Variants in AXDND1 observed in about 807,000 individuals in gnomAD.
The protein encoded by AXDND1 is axonemal dynein light chain domain containing 1, also known as axonemal dynein light chain domain-containing protein 1.
A neutral mutation model predicts 137.5 loss-of-function variants in AXDND1; 110 were observed. That is an observed-to-expected ratio of 0.80 (90% confidence interval 0.69 to 0.94). The LOEUF is 0.94. Among genes scored for constraint, AXDND1 ranks in the 40% least tolerant of loss-of-function variants. The pLI, the probability that AXDND1 is intolerant of heterozygous loss-of-function variation, is 0.00. For missense variants in AXDND1, 1,191 were observed against 1,169.8 expected, an observed-to-expected ratio of 1.02 and a Z score of -0.26; for synonymous variants, 414 against 399.7, an observed-to-expected ratio of 1.04 and a Z score of -0.43.
At chr1:179,545,967 T>C (rs531995061) in intron 25 of AXDND1, 1 of 152,326 alleles carries the variant, frequency 6.6e-6, no homozygotes, top group South Asian at 2.1e-4. Flanking sequence ...AGGGAAGTTT[T>C]GAAGAACTAG....
At chr1:179,516,526 G>T (rs1162775334) in intron 21 of AXDND1, among the ~76,000 whole-genome samples, 1 of 152,100 alleles carries the variant, frequency 6.6e-6, no homozygotes, top group Non-Finnish European at 1.5e-5. Flanking sequence ...GTGTTAAAGA[G>T]CCTTGTTTTG....
chr1:179,389,838 T>G (rs1453577136), intron 9 of AXDND1, among the ~76,000 whole-genome samples: 1 of 152,172 alleles, frequency 6.6e-6, no homozygotes, highest in Non-Finnish European at 1.5e-5. Flanking sequence ...ATGATGTTTT[T>G]TAAATTGATA....
Position 179,430,587 on chromosome 1 carries a change from A to G in AXDND1, c.1468A>G (p.Lys490Glu). 1 of 1,611,764 alleles carries G rather than the reference A, an allele frequency of 6.2e-7. No individual in the cohort carries two copies. The highest frequency in any genetic ancestry group is 8.5e-7 in the Non-Finnish European group (1 of 1,179,382). ...TLKIVKDGLI[K>E]WQEFFNEKDI... ...GAAAATTGTTAAGGATGGGCTTATC[A>G]AATGGCAGGAGTTCTTCAAGTGAGT... Residue 490 changes from lysine to glutamate, a missense_variant, in exon 14 of 26, where the codon AAA (lysine) becomes GAA (glutamate). Coordinates refer to ENST00000367618, the MANE Select transcript of AXDND1 (RefSeq NM_144696.6).
chr1:179,466,537 G>T (rs1047412885), intron 16 of AXDND1, among the ~76,000 whole-genome samples: 4 of 151,872 alleles, frequency 2.6e-5, no homozygotes, highest in African/African-American at 9.7e-5. Flanking sequence ...ATATTTTTCA[G>T]TCCTAGAATT....
At chr1:179,382,877 C>A in intron 7 of AXDND1, 121 bp downstream of exon 7, 1 of 636,962 alleles carries the variant, frequency 1.6e-6, no homozygotes, top group Non-Finnish European at 2.6e-6. Flanking sequence ...GCAATAATTG[C>A]CTACAAGTTC....
intron 11 of AXDND1, among the ~76,000 whole-genome samples, chr1:179,399,622 C>A (rs974288832): frequency 1.3e-5 from 2 of 152,202 alleles, no homozygotes; most frequent in African/African-American, 4.8e-5. Context: ...AAGGAACAGT[C>A]AGCAGAGTAA....
chr1:179,400,921 A>AAAAAAAG (rs1558124737), intron 11 of AXDND1, among the ~76,000 whole-genome samples: 6 of 132,702 alleles, frequency 4.5e-5, no homozygotes, highest in African/African-American at 1.6e-4. Context: ...AAAAAAAAAA[A>AAAAAAAG]AAAAAAGAAA....
intron 12 of AXDND1, among the ~76,000 whole-genome samples, chr1:179,423,043 T>C (rs540496756): frequency 6.6e-6 from 1 of 152,144 alleles, no homozygotes; most frequent in Non-Finnish European, 1.5e-5. Flanking sequence ...GGATTACAGG[T>C]GTGAGCCACT....
intron 18 of AXDND1, among the ~76,000 whole-genome samples, chr1:179,490,107 G>A (rs1255691135): frequency 6.6e-6 from 1 of 152,166 alleles, no homozygotes; most frequent in Non-Finnish European, 1.5e-5. Context: ...CTTACTCCCT[G>A]ATAAGTACTG....
At chr1:179,369,859 C>G in intron 3 of AXDND1, 116 bp from the exon 4 acceptor site, 1 of 629,418 alleles carries the variant, frequency 1.6e-6, no homozygotes, top group Non-Finnish European at 2.7e-6. Flanking sequence ...CTCTTTTTTC[C>G]TTAGAGTACC....
intron 15 of AXDND1, among the ~76,000 whole-genome samples, chr1:179,443,827 G>A (rs530686901): frequency 2.8e-4 from 43 of 152,176 alleles, no homozygotes; most frequent in African/African-American, 1.0e-3. Flanking sequence ...GTCAGAGCTT[G>A]GAAAATAGAT....
In AXDND1 at chr1:179,534,932, G is replaced by T; in HGVS notation, c.3001G>T (p.Ala1001Ser). ...ACAAGAAGAAGAAGAAGTCAGGTCA[G>T]CAGAAAATTCCTCAAAATCTCCAAA... is the stretch of plus-strand genomic sequence containing the variant. ...EQQEEEEVRS[A>S]ENSSKSPKKG... Residue 1001 changes from alanine (A) to serine (S), a missense_variant, in exon 25 of 26, where the codon GCA (alanine) becomes TCA (serine). Coordinates refer to ENST00000367618, the MANE Select transcript of AXDND1 (RefSeq NM_144696.6). The T allele has an allele frequency of 6.2e-7, 1 of 1,606,722 alleles. No homozygotes were observed. The highest frequency in any genetic ancestry group is 1.7e-5 in the Admixed American group (1 of 58,180).
At chr1:179,379,637 T>C (rs1056493187) in intron 6 of AXDND1, among the ~76,000 whole-genome samples, 155 bp downstream of exon 6, 1 of 151,352 alleles carries the variant, frequency 6.6e-6, no homozygotes, top group African/African-American at 2.4e-5. Flanking sequence ...CTACAGAAAA[T>C]ACAAAAATAT....
chr1:179,392,393 G>C (rs11803247), intron 9 of AXDND1, among the ~76,000 whole-genome samples: 44,333 of 152,080 alleles, frequency 0.29, 6,661 homozygotes, highest in Non-Finnish European at 0.31. Context: ...CATTTAGGTT[G>C]GTTCCATATT....
At chr1:179,418,837 G>A (rs1291311286) in intron 12 of AXDND1, among the ~76,000 whole-genome samples, 4 of 151,314 alleles carry the variant, frequency 2.6e-5, no homozygotes, top group East Asian at 4.0e-4. Context: ...GCTGCCGGGC[G>A]GAGGGACTCC....
intron 15 of AXDND1, 87 bp downstream of exon 15, chr1:179,432,429 CT>C (rs10706073): frequency 0.7 from 746,800 of 1,066,098 alleles, 220,568 homozygotes; most frequent in Admixed American, 0.78. Flanking sequence ...ACATCCCATC[CT>C]TTTTTTTTTT....
intron 21 of AXDND1, among the ~76,000 whole-genome samples, chr1:179,518,382 T>C (rs1417691510): frequency 7.4e-6 from 1 of 134,854 alleles, no homozygotes; most frequent in African/African-American, 2.6e-5. Context: ...CATTTTCCTT[T>C]TTCTTTTTTT....
intron 9 of AXDND1, among the ~76,000 whole-genome samples, chr1:179,393,083 T>A (rs1650451539): frequency 6.6e-6 from 1 of 152,210 alleles, no homozygotes; most frequent in South Asian, 2.1e-4. Flanking sequence ...GATGTTATCT[T>A]CTAGAATTTT....
At chr1:179,423,589 T>G (rs74553406) in intron 12 of AXDND1, among the ~76,000 whole-genome samples, 2,539 of 152,242 alleles carry the variant, frequency 0.017, 74 homozygotes, top group African/African-American at 0.058. Context: ...TTTAAGTGAA[T>G]CTGTTATAGG....
Sources: allele counts gnomAD v4.1 joint callset (sites outside exome capture counted in the v4.1 genomes callset), GRCh38; gene constraint gnomAD v4.1.1; transcripts MANE v1.5; gene names NCBI Gene and HGNC (gene_info 2026-07-23, HGNC 2026-07-21).